Variants in KLHL32 observed in about 807,000 individuals in gnomAD.
KLHL32 encodes kelch-like protein 32.
Under a neutral mutation model 64.8 loss-of-function variants are expected in KLHL32, and 35 were observed. The observed-to-expected ratio is 0.54, with a 90% CI of 0.41 to 0.72. The LOEUF (loss-of-function observed/expected upper bound fraction) is 0.72. Ranked by LOEUF, KLHL32 falls within the 30% of genes least tolerant of loss-of-function variation. The pLI, the probability that KLHL32 is intolerant of heterozygous loss-of-function variation, is 0.00. For missense variants in KLHL32, 589 were observed against 768.5 expected, an observed-to-expected ratio of 0.77 and a Z score of 2.76; for synonymous variants, 259 against 281.0, an observed-to-expected ratio of 0.92 and a Z score of 0.78.
intron 8 of KLHL32, among the ~76,000 whole-genome samples, chr6:97,129,973 A>G (rs17453908): frequency 0.047 from 7,183 of 152,278 alleles, 244 homozygotes; most frequent in Non-Finnish European, 0.074. Context: ...CAATTTGGCA[A>G]AAGATGTGAC....
intron 3 of KLHL32, among the ~76,000 whole-genome samples, chr6:97,037,894 A>T (rs943856851): frequency 6.6e-6 from 1 of 152,210 alleles, no homozygotes; most frequent in Non-Finnish European, 1.5e-5. Context: ...TCATCTTTGC[A>T]AAGGTGCCAA....
intron 3 of KLHL32, among the ~76,000 whole-genome samples, chr6:97,034,233 T>G (rs548897696): frequency 6.6e-6 from 1 of 152,254 alleles, no homozygotes; most frequent in African/African-American, 2.4e-5. Flanking sequence ...TTCTTTGGCA[T>G]GCGGATGTCA....
chr6:97,114,648 T>A, intron 7 of KLHL32, 139 bp downstream of exon 7: 1 of 958,148 alleles, frequency 1.0e-6, no homozygotes, highest in Non-Finnish European at 1.6e-6. Flanking sequence ...AACATTCATT[T>A]ATTGAGCACC....
intron 6 of KLHL32, among the ~76,000 whole-genome samples, chr6:97,104,706 G>C (rs117032640): frequency 6.6e-6 from 1 of 152,126 alleles, no homozygotes; most frequent in African/African-American, 2.4e-5. Context: ...TGTCTTACAA[G>C]GAAAATGTTG....
At chr6:97,086,129 T>A (rs1165278335) in intron 6 of KLHL32, among the ~76,000 whole-genome samples, 1 of 152,184 alleles carries the variant, frequency 6.6e-6, no homozygotes, top group Non-Finnish European at 1.5e-5. Flanking sequence ...ACTTGTAGGG[T>A]GCCATGCCTC....
chr6:96,923,179 A>T (rs140303137), upstream of KLHL32, among the ~76,000 whole-genome samples: 120 of 152,338 alleles, frequency 7.9e-4, 2 homozygotes, highest in East Asian at 8.5e-3. Context: ...AATAGCTGCT[A>T]TTTATTCTAA....
chr6:97,066,048 AT>A (rs1391352685), intron 5 of KLHL32, among the ~76,000 whole-genome samples: 1 of 152,140 alleles, frequency 6.6e-6, no homozygotes, highest in East Asian at 1.9e-4. Flanking sequence ...TAGGAAAGCT[AT>A]TTTTAATCCC....
At chr6:96,966,940 A>G in intron 1 of KLHL32, 56 bp from the exon 2 acceptor site, 1 of 789,588 alleles carries the variant, frequency 1.3e-6, no homozygotes, top group East Asian at 2.7e-5. Context: ...GAAGACCCAG[A>G]GTGTGCTTTT....
chr6:96,971,717 CGTTACAGT>C (rs891185491), intron 2 of KLHL32, among the ~76,000 whole-genome samples: 10 of 152,076 alleles, frequency 6.6e-5, no homozygotes, highest in Middle Eastern at 3.4e-3. Context: ...TGCCTAAAGC[CGTTACAGT>C]GTTCAGGTGG....
intron 6 of KLHL32, among the ~76,000 whole-genome samples, chr6:97,088,943 T>A (rs943862308): frequency 6.6e-6 from 1 of 152,214 alleles, no homozygotes; most frequent in African/African-American, 2.4e-5. Flanking sequence ...AAGAGGGAGA[T>A]TACTGTTTTC....
At chr6:96,926,826 T>A (rs960001315) in intron 1 of KLHL32, among the ~76,000 whole-genome samples, 12 of 152,228 alleles carry the variant, frequency 7.9e-5, no homozygotes, top group Non-Finnish European at 1.3e-4. Flanking sequence ...GGATTTTTTT[T>A]ATGAGGTATC....
At chr6:96,987,021 C>A (rs183287349) in intron 3 of KLHL32, among the ~76,000 whole-genome samples, 2 of 152,018 alleles carry the variant, frequency 1.3e-5, no homozygotes, top group African/African-American at 2.4e-5. Flanking sequence ...CTCCACCCCC[C>A]AGTAGTTTGT....
intron 6 of KLHL32, among the ~76,000 whole-genome samples, chr6:97,106,353 AG>A (rs1796406532): frequency 3.9e-5 from 6 of 152,166 alleles, no homozygotes; most frequent in Admixed American, 2.0e-4. Flanking sequence ...AGCAATCAGT[AG>A]GGATATGCTG....
chr6:97,019,791 C>CT (rs112184709), intron 3 of KLHL32, among the ~76,000 whole-genome samples: 9,934 of 151,870 alleles, frequency 0.065, 706 homozygotes, highest in African/African-American at 0.18. Flanking sequence ...ATACTATTTT[C>CT]TTTTTTTGAG....
intron 3 of KLHL32, among the ~76,000 whole-genome samples, chr6:97,019,870 C>T (rs1453679996): frequency 6.6e-6 from 1 of 151,968 alleles, no homozygotes; most frequent in Non-Finnish European, 1.5e-5. Flanking sequence ...ATCTCTGCCT[C>T]CCGGGTTCAA....
chr6:96,935,119 T>G (rs916786862), intron 1 of KLHL32, among the ~76,000 whole-genome samples: 1 of 152,220 alleles, frequency 6.6e-6, no homozygotes, highest in Non-Finnish European at 1.5e-5. Context: ...ATCAAGGTTA[T>G]GCATGGCAGG....
intron 1 of KLHL32, among the ~76,000 whole-genome samples, chr6:96,927,714 G>C (rs1414054828): frequency 6.6e-6 from 1 of 152,180 alleles, no homozygotes; most frequent in African/African-American, 2.4e-5. Flanking sequence ...AGTAAATAAA[G>C]CCATTTCAGT....
chr6:96,902,198 C>T, the KLHL32 span, among the ~76,000 whole-genome samples: 295 of 152,256 alleles, frequency 1.9e-3, 1 homozygote, highest in African/African-American at 6.8e-3. Flanking sequence ...ATTTACACTC[C>T]CACCAATAGT....
chr6:96,940,176 T>C (rs1771112696), intron 1 of KLHL32, among the ~76,000 whole-genome samples: 1 of 152,214 alleles, frequency 6.6e-6, no homozygotes, highest in Non-Finnish European at 1.5e-5. Context: ...TTGAGCTGTC[T>C]TTAGGACGTT....
Sources: allele counts gnomAD v4.1 joint callset (sites outside exome capture counted in the v4.1 genomes callset), GRCh38; gene constraint gnomAD v4.1.1; transcripts MANE v1.5; gene names NCBI Gene and HGNC (gene_info 2026-07-23, HGNC 2026-07-21).